KIF4A: variants seen among roughly 807,000 people sequenced by gnomAD.
KIF4A encodes kinesin family member 4A.
KIF4A carries 7 observed loss-of-function variants against 105.9 expected under a neutral mutation model. That is an observed-to-expected ratio of 0.07 (90% confidence interval 0.04 to 0.12). The LOEUF (loss-of-function observed/expected upper bound fraction) is 0.12, where lower values mean the gene tolerates loss of function less well. Among genes scored for constraint, KIF4A ranks in the 10% least tolerant of loss-of-function variants. KIF4A has a pLI of 1.00. For synonymous variants in KIF4A, 281 were observed against 331.3 expected, an observed-to-expected ratio of 0.85 and a Z score of 1.65; for missense variants, 558 against 929.2, an observed-to-expected ratio of 0.60 and a Z score of 5.19.
chrX:70,404,693 A>G, intron 24 of KIF4A, 22 bp from the exon 25 acceptor site: 1 of 1,148,489 alleles, frequency 8.7e-7, no homozygotes, highest in Middle Eastern at 2.6e-4. Context: ...GTTACCACCC[A>G]TTGGATCGTG....
chrX:70,298,143 T>C (rs1170906976), intron 4 of KIF4A, among the ~76,000 whole-genome samples: 2 of 110,238 alleles, frequency 1.8e-5, no homozygotes, highest in Admixed American at 1.9e-4. Context: ...AGGTGGTGCA[T>C]GCCTGCAGTC....
chrX:70,317,544 CTT>C (rs34377717), intron 7 of KIF4A, among the ~76,000 whole-genome samples: 13 of 69,394 alleles, frequency 1.9e-4, no homozygotes, highest in African/African-American at 6.7e-4. Flanking sequence ...ATTCCCTTGC[CTT>C]TTTTTTTTTT....
At chrX:70,411,640 G>A (rs2086322420) in intron 28 of KIF4A, among the ~76,000 whole-genome samples, 1 of 111,050 alleles carries the variant, frequency 9.0e-6, no homozygotes, top group Non-Finnish European at 1.9e-5. Flanking sequence ...ATATTCTGAT[G>A]TAATTAGTCT....
At chrX:70,404,072 T>C in intron 24 of KIF4A, 38 bp downstream of exon 24, 1 of 1,175,504 alleles carries the variant, frequency 8.5e-7, no homozygotes, top group Non-Finnish European at 1.2e-6. Context: ...ACTGTGAAAC[T>C]ATCATTGCCT....
chrX:70,404,324 G>A (rs2086292483), intron 24 of KIF4A, among the ~76,000 whole-genome samples: 1 of 111,159 alleles, frequency 9.0e-6, no homozygotes, highest in African/African-American at 3.3e-5. Flanking sequence ...ACTTTGGGAG[G>A]CCAAGGCAGG....
Position 70,333,621 on chromosome X carries a change from C to T in KIF4A, c.1072-7C>T, listed in dbSNP as rs1438448778. On this transcript the variant is annotated splice_region_variant and splice_polypyrimidine_tract_variant and intron_variant, in intron 9 of 30. Coordinates refer to ENST00000374403, the MANE Select transcript of KIF4A (RefSeq NM_012310.5). The stretch of plus-strand genomic sequence containing the variant: ...ACTAGCTGATTATTTTTCTTTGCTT[C>T]TCCCAGGTACAACAGCTACAAGTCT... 8.4e-7 allele frequency: 1 copy of T among 1,195,421 alleles called. No individual in the cohort carries two copies. Among genetic ancestry groups the T allele is most frequent in the Admixed American group, 2.2e-5 (1 of 45,996 alleles).
At chrX:70,291,516 G>A (rs968723984) in intron 3 of KIF4A, among the ~76,000 whole-genome samples, 1 of 111,170 alleles carries the variant, frequency 9.0e-6, no homozygotes, top group Non-Finnish European at 1.9e-5. Context: ...AATCTTTACT[G>A]GGGAAGCTAA....
chrX:70,315,992 A>AC (rs2085867848), intron 7 of KIF4A, among the ~76,000 whole-genome samples: 1 of 110,154 alleles, frequency 9.1e-6, no homozygotes, highest in African/African-American at 3.3e-5. Context: ...ATTCTACATC[A>AC]CCCCTTACTC....
chrX:70,290,787 A>G lies in KIF4A; in HGVS notation c.217A>G (p.Ile73Val). 1 of 1,183,421 alleles carries G rather than the reference A, an allele frequency of 8.5e-7. No individual in the cohort carries two copies. The highest frequency in any genetic ancestry group is 1.1e-6 in the Non-Finnish European group (1 of 869,664). Reference protein sequence around the residue: ...EVFNTAVAPLIKGVFKGYNAT... With the variant: ...EVFNTAVAPLVKGVFKGYNAT... ...CTTCAATACAGCAGTAGCGCCACTC[A>G]TAAAAGGTGTATTTAAAGGTAAGGC... The change falls in exon 3 of 31, where the codon ATA (isoleucine) becomes GTA (valine). Residue 73 changes from isoleucine (I) to valine (V), a missense_variant. Transcript: ENST00000374403.
chrX:70,397,363 C>A (rs183857378), intron 22 of KIF4A, among the ~76,000 whole-genome samples: 1 of 109,081 alleles, frequency 9.2e-6, no homozygotes, highest in East Asian at 2.9e-4. Context: ...GAGATTCTGT[C>A]TCAAAAATGA....
At chrX:70,332,435 C>T (rs1413128486) in intron 9 of KIF4A, among the ~76,000 whole-genome samples, 2 of 111,514 alleles carry the variant, frequency 1.8e-5, no homozygotes, top group Non-Finnish European at 3.8e-5. Flanking sequence ...TCGTTTGTAA[C>T]TTGGGCAAGT....
At chrX:70,391,899 C>G (rs757049271) in intron 20 of KIF4A, among the ~76,000 whole-genome samples, 7 of 111,214 alleles carry the variant, frequency 6.3e-5, no homozygotes, top group Non-Finnish European at 9.4e-5. Flanking sequence ...CATTAATTCT[C>G]TTAGGATAAT....
At chrX:70,370,955 C>T (rs2086129381) in intron 15 of KIF4A, among the ~76,000 whole-genome samples, 1 of 83,841 alleles carries the variant, frequency 1.2e-5, no homozygotes, top group African/African-American at 4.3e-5. Flanking sequence ...AAAAAAAAAG[C>T]AAGGTAACTA....
intron 28 of KIF4A, among the ~76,000 whole-genome samples, chrX:70,414,266 GA>G (rs898567864): frequency 5.4e-5 from 6 of 110,685 alleles, no homozygotes; most frequent in African/African-American, 2.0e-4. Context: ...CTGCTAATCA[GA>G]AAAAAAATGT....
chrX:70,401,554 C>T (rs931003503), intron 22 of KIF4A, among the ~76,000 whole-genome samples: 2 of 109,645 alleles, frequency 1.8e-5, no homozygotes, highest in African/African-American at 6.7e-5. Context: ...GCACCCACCA[C>T]CACGCCTGGC....
chrX:70,356,264 G>C (rs2086050915), intron 15 of KIF4A, among the ~76,000 whole-genome samples: 1 of 110,473 alleles, frequency 9.1e-6, no homozygotes, highest in Non-Finnish European at 1.9e-5. Flanking sequence ...CTGAGTGACA[G>C]AGTGAGACCA....
intron 28 of KIF4A, among the ~76,000 whole-genome samples, chrX:70,409,794 C>CAAAAA (rs780576920): frequency 2.4e-5 from 1 of 42,195 alleles, no homozygotes; most frequent in African/African-American, 9.0e-5. Flanking sequence ...AAGACTGTCT[C>CAAAAA]AAAAAAAAAA....
intron 15 of KIF4A, among the ~76,000 whole-genome samples, chrX:70,363,656 G>A (rs932576687): frequency 8.9e-6 from 1 of 112,045 alleles, no homozygotes; most frequent in African/African-American, 3.2e-5. Context: ...GGACATTTGG[G>A]TTGGTTCCAA....
chrX:70,327,973 A>G (rs1602750391), intron 7 of KIF4A, among the ~76,000 whole-genome samples: 2 of 111,809 alleles, frequency 1.8e-5, no homozygotes, highest in Middle Eastern at 4.6e-3. Flanking sequence ...ATCTACTGAC[A>G]GTATTAGAAA....
Sources: gnomAD v4.1 joint callset for allele counts (sites outside exome capture counted in the v4.1 genomes callset) on GRCh38, gnomAD v4.1.1 for gene constraint, MANE v1.5 for transcripts, NCBI Gene and HGNC (gene_info 2026-07-23, HGNC 2026-07-21) for gene names.